The following MALRD1 variants were observed in gnomAD, a reference collection of about 807,000 sequenced individuals.
The protein encoded by MALRD1 is MAM and LDL-receptor class A domain-containing protein 1.
In MALRD1, 247 loss-of-function variants were observed where a neutral mutation model predicts 242.1. The ratio of observed to expected loss-of-function variants is 1.02; its 90% CI spans 0.92 to 1.13. The LOEUF (loss-of-function observed/expected upper bound fraction) is 1.13, where lower values mean the gene tolerates loss of function less well. Among genes scored for constraint, MALRD1 ranks in the 50% most tolerant of loss-of-function variants. The pLI, the probability that MALRD1 is intolerant of heterozygous loss-of-function variation, is 0.00. For synonymous variants in MALRD1, 995 were observed against 866.6 expected (o/e 1.15, Z -2.60); for missense variants, 2,989 against 2,533.1 (o/e 1.18, Z -3.86).
intron 33 of MALRD1, among the ~76,000 whole-genome samples, chr10:19,574,889 AT>A (rs1836731899): frequency 3.9e-5 from 6 of 152,240 alleles, no homozygotes; most frequent in Admixed American, 3.9e-4. Context: ...TAGAAATGTC[AT>A]TGCAGTTAGA....
chr10:19,164,722 G>T (rs1326354845), intron 12 of MALRD1, among the ~76,000 whole-genome samples: 2 of 152,052 alleles, frequency 1.3e-5, no homozygotes, highest in Non-Finnish European at 2.9e-5. Context: ...AGTAAATATT[G>T]GTTGAATCAA....
intron 19 of MALRD1, among the ~76,000 whole-genome samples, chr10:19,264,309 T>C (rs1341513506): frequency 1.3e-5 from 2 of 152,186 alleles, no homozygotes; most frequent in African/African-American, 4.8e-5. Context: ...ATGATCCTTT[T>C]ACACTGTTAT....
intron 29 of MALRD1, among the ~76,000 whole-genome samples, chr10:19,469,501 C>T (rs111831179): frequency 7.2e-5 from 11 of 152,258 alleles, no homozygotes; most frequent in African/African-American, 1.7e-4. Context: ...AGATTCTTCA[C>T]TAAGCACAGA....
At chr10:19,570,224 G>C (rs930798041) in intron 33 of MALRD1, among the ~76,000 whole-genome samples, 2 of 151,938 alleles carry the variant, frequency 1.3e-5, no homozygotes, top group Non-Finnish European at 1.5e-5. Flanking sequence ...AGCTTCTACA[G>C]CACGACTTCA....
chr10:19,502,603 G>A (rs1838025714), intron 31 of MALRD1, among the ~76,000 whole-genome samples: 1 of 152,062 alleles, frequency 6.6e-6, no homozygotes, highest in African/African-American at 2.4e-5. Flanking sequence ...AATTCCCAAA[G>A]ATGAATATAT....
intron 36 of MALRD1, among the ~76,000 whole-genome samples, chr10:19,666,094 C>A (rs1256814520): frequency 6.6e-6 from 1 of 152,136 alleles, no homozygotes; most frequent in South Asian, 2.1e-4. Context: ...AAGCCACAAG[C>A]TTCTTTGAGG....
chr10:19,722,548 C>CCACTGTAT (rs1375663521), intron 38 of MALRD1: 7 of 124,762 alleles, frequency 5.6e-5, no homozygotes, highest in African/African-American at 1.9e-4. Flanking sequence ...TAGGATCACG[C>CCACTGTAT]CACTGTATTA....
rs144548902 is a variant in MALRD1 at position 19,262,635 on chromosome 10, G to A, written c.3079+4864G>A. Reference sequence around the variant, plus strand: ...CATGCTACTGCACTCCAGCCTGCGCGACAGAGCAAGAGTCTGTCTCAAAAA... The same window carrying A: ...CATGCTACTGCACTCCAGCCTGCGCAACAGAGCAAGAGTCTGTCTCAAAAA... On this transcript the variant is annotated intron_variant, in intron 19 of 39. Transcript: ENST00000454679. 8.6e-3 allele frequency among the ~76,000 whole-genome samples: 1,230 copies of A among 142,532 alleles called. 18 individuals carry two copies. The highest frequency in any genetic ancestry group is 0.031 in the African/African-American group (1,165 of 37,964). 93.5% of individuals were successfully genotyped at this position (142,532 alleles called of 152,430 possible). A position where few individuals can be genotyped will look rare whatever the true frequency, so the allele number is the denominator to read the frequency against.
At position 19,165,808 on chromosome 10, in the gene MALRD1, C is replaced by G. The variant is rs1834664775; in HGVS notation, c.1828C>G (p.Gln610Glu). Reference sequence around the variant, plus strand: ...AGCGGGAGAATCTACTCTACCTTTTCAGGTAAGCACATACGAAATTAATAC... The same window carrying G: ...AGCGGGAGAATCTACTCTACCTTTTGAGGTAAGCACATACGAAATTAATAC... The part of the protein sequence containing the change: ...AEAGESTLPF[Q>E]LILEATVLSS... The change falls in exon 13 of 40, where the codon CAG (glutamine) becomes GAG (glutamate). Residue 610 changes from glutamine to glutamate, a missense_variant and splice_region_variant. Gln to Glu is a conservative substitution (Grantham distance 29). Transcript: ENST00000454679. 1.6e-6 allele frequency: 2 copies of G among 1,231,444 alleles called. No homozygotes were observed. The highest frequency in any genetic ancestry group is 8.4e-5 in the Admixed American group (2 of 23,690). 76.3% of individuals were successfully genotyped at this position (1,231,444 alleles called of 1,614,324 possible).
chr10:19,296,162 C>G (rs1376602333), intron 21 of MALRD1, among the ~76,000 whole-genome samples: 1 of 152,124 alleles, frequency 6.6e-6, no homozygotes, highest in Admixed American at 6.6e-5. Context: ...ACTTTAAACA[C>G]AGTTCCAGGG....
intron 13 of MALRD1, among the ~76,000 whole-genome samples, chr10:19,171,730 GTA>G (rs1259186383): frequency 1.4e-5 from 2 of 139,792 alleles, no homozygotes; most frequent in Admixed American, 1.5e-4. Flanking sequence ...ACGTATATAC[GTA>G]TATATATCAT....
chr10:19,631,785 T>A (rs2131648998), intron 36 of MALRD1, among the ~76,000 whole-genome samples: 1 of 152,316 alleles, frequency 6.6e-6, no homozygotes, highest in Admixed American at 6.5e-5. Context: ...TGCATGTATG[T>A]CTTCTTTTGA....
chr10:19,312,378 G>GTATATATATATATATATATATATATATA (rs112120220), intron 21 of MALRD1, among the ~76,000 whole-genome samples: 15 of 137,528 alleles, frequency 1.1e-4, no homozygotes, highest in African/African-American at 3.8e-4. Flanking sequence ...AGAGGAATGT[G>GTATATATATATATATATATATATATATA]TATATATATA....
At chr10:19,392,611 T>A (rs955434620) in intron 28 of MALRD1, among the ~76,000 whole-genome samples, 2 of 152,176 alleles carry the variant, frequency 1.3e-5, no homozygotes, top group Admixed American at 1.3e-4. Context: ...TTTTTGCCTT[T>A]GGTTACATGA....
chr10:19,482,995 G>A (rs1837075870), intron 29 of MALRD1, among the ~76,000 whole-genome samples: 1 of 151,884 alleles, frequency 6.6e-6, no homozygotes, highest in African/African-American at 2.4e-5. Flanking sequence ...GAGTAATCCT[G>A]AGCACAAAGA....
intron 36 of MALRD1, among the ~76,000 whole-genome samples, chr10:19,676,068 A>G (rs1323677853): frequency 6.6e-6 from 1 of 152,226 alleles, no homozygotes; most frequent in Non-Finnish European, 1.5e-5. Context: ...CCCTTGAAGT[A>G]TGAGAGTATG....
intron 36 of MALRD1, among the ~76,000 whole-genome samples, chr10:19,623,220 A>C (rs79236517): frequency 0.014 from 2,147 of 152,248 alleles, 24 homozygotes; most frequent in Non-Finnish European, 0.024. Context: ...CAAAAGATAA[A>C]TGGCAATCTG....
At chr10:19,610,753 G>C (rs1286275407) in intron 35 of MALRD1, among the ~76,000 whole-genome samples, 1 of 151,960 alleles carries the variant, frequency 6.6e-6, no homozygotes, top group East Asian at 1.9e-4. Flanking sequence ...CAAGGGTTTA[G>C]TTCTAGTTCA....
chr10:19,068,796 G>A (rs984680127), intron 2 of MALRD1, among the ~76,000 whole-genome samples: 3 of 152,128 alleles, frequency 2.0e-5, no homozygotes, highest in African/African-American at 7.2e-5. Flanking sequence ...ACTTACTCTT[G>A]AAATGATTTG....
Sources: gnomAD v4.1 joint callset for allele counts (sites outside exome capture counted in the v4.1 genomes callset) on GRCh38, gnomAD v4.1.1 for gene constraint, MANE v1.5 for transcripts, NCBI Gene and HGNC (gene_info 2026-07-23, HGNC 2026-07-21) for gene names.